The following PBX1 variants were observed in gnomAD, a reference collection of about 807,000 sequenced individuals.
The protein encoded by PBX1 is pre-B-cell leukemia transcription factor 1.
A neutral mutation model predicts 53.4 loss-of-function variants in PBX1; 6 were observed. The ratio of observed to expected loss-of-function variants is 0.11; its 90% confidence interval spans 0.06 to 0.22. The LOEUF (loss-of-function observed/expected upper bound fraction) is 0.22. Among genes scored for constraint, PBX1 ranks in the 10% least tolerant of loss-of-function variants. PBX1 has a pLI of 1.00. For synonymous variants in PBX1, 204 were observed against 212.3 expected (o/e 0.96, Z 0.34); for missense variants, 251 against 551.4 (o/e 0.46, Z 5.46).
chr1:164,878,996 A>T (rs1281938727), intron 2 of PBX1, among the ~76,000 whole-genome samples: 2 of 152,208 alleles, frequency 1.3e-5, no homozygotes, highest in East Asian at 3.8e-4. Context: ...GAGCAGACCC[A>T]AAAGGTAAGC....
At chr1:164,801,466 AC>A (rs1207132103) in intron 4 of PBX1, among the ~76,000 whole-genome samples, 13 of 151,498 alleles carry the variant, frequency 8.6e-5, no homozygotes, top group African/African-American at 2.2e-4. Flanking sequence ...AAAAAAAAAA[AC>A]AATTGGCTCC....
chr1:164,870,218 T>TTTCCTTCCTTCCTTCCTTTC (rs1672320415), intron 2 of PBX1, among the ~76,000 whole-genome samples: 1 of 55,126 alleles, frequency 1.8e-5, no homozygotes, highest in Non-Finnish European at 4.3e-5. Flanking sequence ...CTTTTCTTTC[T>TTTCCTTCCTTCCTTCCTTTC]TTCCTTCCTT....
intron 1 of PBX1, 174 bp from the exon 2 acceptor site, chr1:164,563,064 C>T: frequency 2.5e-6 from 1 of 399,480 alleles, no homozygotes. Flanking sequence ...AACATTATTT[C>T]TTTTTCTATG....
At chr1:164,814,398 T>C in intron 6 of PBX1, 1 of 151,460 alleles carries the variant, frequency 6.6e-6, no homozygotes, top group East Asian at 1.9e-4. Context: ...GAAGCAGAAG[T>C]TTTTTTTTCA....
chr1:164,846,502 A>C (rs759671458), intron 8 of PBX1, 82 bp from the exon 9 acceptor site: 1 of 1,189,916 alleles, frequency 8.4e-7, no homozygotes, highest in Non-Finnish European at 1.3e-6. Context: ...GGTCCTTTAC[A>C]CAAGATGCCT....
intron 2 of PBX1, among the ~76,000 whole-genome samples, chr1:164,694,676 T>G (rs1662703642): frequency 6.6e-6 from 1 of 152,220 alleles, no homozygotes; most frequent in Admixed American, 6.5e-5. Context: ...TCTAGAAACC[T>G]AATATTTGTA....
chr1:164,797,341 G>A (rs568023849), intron 3 of PBX1, among the ~76,000 whole-genome samples: 3 of 152,268 alleles, frequency 2.0e-5, no homozygotes, highest in East Asian at 1.9e-4. Context: ...GCAGCCCGGC[G>A]GGAGGTTGTT....
chr1:164,687,561 TA>T (rs5778407), intron 2 of PBX1, among the ~76,000 whole-genome samples: 8,766 of 110,364 alleles, frequency 0.079, 612 homozygotes, highest in African/African-American at 0.2. Context: ...AGACCTTGTC[TA>T]AAAAAAAAAA....
At chr1:164,577,618 T>C (rs1466999281) in intron 2 of PBX1, among the ~76,000 whole-genome samples, 1 of 152,248 alleles carries the variant, frequency 6.6e-6, no homozygotes, top group Non-Finnish European at 1.5e-5. Flanking sequence ...AAGTGTATTC[T>C]AGTGCTTGCT....
At chr1:164,631,054 G>A (rs186322629) in intron 2 of PBX1, 5 of 152,300 alleles carry the variant, frequency 3.3e-5, no homozygotes, top group Admixed American at 3.3e-4. Context: ...TGGAGTGGGA[G>A]AATGGGAGGA....
chr1:164,789,816 A>G (rs1668400510), intron 2 of PBX1, among the ~76,000 whole-genome samples: 1 of 152,214 alleles, frequency 6.6e-6, no homozygotes, highest in South Asian at 2.1e-4. Flanking sequence ...TGTTCCTGCC[A>G]GCCGTGGGGG....
At chr1:164,746,683 C>G (rs891989522) in intron 2 of PBX1, among the ~76,000 whole-genome samples, 4 of 152,206 alleles carry the variant, frequency 2.6e-5, no homozygotes, top group Admixed American at 6.5e-5. Flanking sequence ...GCTGGGATTA[C>G]AGCCATGAGC....
intron 2 of PBX1, among the ~76,000 whole-genome samples, chr1:164,695,604 G>C (rs1032370251): frequency 6.6e-6 from 1 of 152,106 alleles, no homozygotes; most frequent in African/African-American, 2.4e-5. Flanking sequence ...CTTCATTGTA[G>C]CTTATAATAA....
intron 2 of PBX1, among the ~76,000 whole-genome samples, chr1:164,874,540 G>T (rs1321165135): frequency 6.6e-6 from 1 of 152,012 alleles, no homozygotes; most frequent in African/African-American, 2.4e-5. Context: ...CATCACCCAG[G>T]CTGGAGTGTA....
At chr1:164,650,612 T>A (rs994673059) in intron 2 of PBX1, among the ~76,000 whole-genome samples, 1 of 152,212 alleles carries the variant, frequency 6.6e-6, no homozygotes, top group Non-Finnish European at 1.5e-5. Flanking sequence ...AGAGCCATCA[T>A]AGTCCCTAAA....
intron 6 of PBX1, chr1:164,816,520 G>A (rs1418021059): frequency 6.6e-6 from 1 of 152,174 alleles, no homozygotes; most frequent in African/African-American, 2.4e-5. Flanking sequence ...AAAGGAAAAA[G>A]TAAATCCGTT....
chr1:164,763,938 T>C (rs1366118778), intron 2 of PBX1, among the ~76,000 whole-genome samples: 1 of 152,220 alleles, frequency 6.6e-6, no homozygotes, highest in Non-Finnish European at 1.5e-5. Flanking sequence ...TGTTACTTCC[T>C]ACTTAAACTT....
intron 2 of PBX1, among the ~76,000 whole-genome samples, chr1:164,688,993 C>T (rs954628293): frequency 8.5e-5 from 13 of 152,240 alleles, no homozygotes; most frequent in Admixed American, 3.3e-4. Context: ...GGTGGCGTCG[C>T]GCCTCCCCTT....
At chr1:164,687,503 G>A (rs899633092) in intron 2 of PBX1, among the ~76,000 whole-genome samples, 1 of 144,692 alleles carries the variant, frequency 6.9e-6, no homozygotes, top group Admixed American at 7.2e-5. Context: ...GGTCGAGGCT[G>A]TAGCAAGTCA....
Sources: gnomAD v4.1 joint callset for allele counts (sites outside exome capture counted in the v4.1 genomes callset) on GRCh38, gnomAD v4.1.1 for gene constraint, MANE v1.5 for transcripts, NCBI Gene and HGNC (gene_info 2026-07-23, HGNC 2026-07-21) for gene names.